Variants in CDC42 observed in about 807,000 individuals in gnomAD.
CDC42 encodes the protein cell division cycle 42, also known as cell division control protein 42 homolog.
Under a neutral mutation model 20.8 loss-of-function variants are expected in CDC42, and 1 was observed. That is an observed-to-expected ratio of 0.05 (90% confidence interval 0.02 to 0.23). CDC42 has a LOEUF of 0.23. CDC42 is among the 10% of genes least tolerant of loss of function. The pLI is 1.00. For synonymous variants in CDC42, 72 were observed against 84.8 expected, an observed-to-expected ratio of 0.85 and a Z score of 0.83; for missense variants, 49 against 227.9, an observed-to-expected ratio of 0.21 and a Z score of 5.05.
rs186706352 is a variant in CDC42, at chr1:22,091,635, G to A, written c.*118G>A. Reference sequence around the variant, plus strand: ...TTTTTGCAATAATGACAAATGCCCTGCACCTACCCACATGCACTCGTGTGA... The same window carrying A: ...TTTTTGCAATAATGACAAATGCCCTACACCTACCCACATGCACTCGTGTGA... On this transcript the variant is annotated 3_prime_UTR_variant, in exon 6 of 6. Coordinates refer to ENST00000656825, the MANE Select transcript of CDC42 (RefSeq NM_001791.4). 4.5e-5 allele frequency: 29 copies of A among 641,270 alleles called. No individual in the cohort carries two copies. In the East Asian group the frequency reaches 8.3e-4, roughly 18 times the overall value. 39.7% of individuals were successfully genotyped at this position (641,270 alleles called of 1,614,324 possible). A position where few individuals can be genotyped will look rare whatever the true frequency, so the allele number is the denominator to read the frequency against.
At chr1:22,069,421 C>T (rs1360086887) in intron 1 of CDC42, among the ~76,000 whole-genome samples, 1 of 151,836 alleles carries the variant, frequency 6.6e-6, no homozygotes, top group Non-Finnish European at 1.5e-5. Flanking sequence ...AGTGATCTGC[C>T]CGCCTCAGCT....
At chr1:22,080,170 G>A (rs1007522869) in intron 2 of CDC42, among the ~76,000 whole-genome samples, 24 of 152,142 alleles carry the variant, frequency 1.6e-4, no homozygotes, top group African/African-American at 5.3e-4. Context: ...CCCAATTTAG[G>A]GATGAGACTT....
At position 22,076,432 on chromosome 1, in the gene CDC42, TACAC is replaced by T. The variant is rs369972777; in HGVS notation, c.-50-1981_-50-1978del. 2.0e-5 allele frequency among the ~76,000 whole-genome samples: 3 copies of T among 149,466 alleles called. No homozygotes were observed. The South Asian group carries it at 6.4e-4, about 32-fold the overall frequency. ...GAGATCACGCCACTGCACTGACACA[TACAC>T]ACACACACACACACAACAAGCAGGG... On this transcript the variant is annotated intron_variant, in intron 1 of 5. Coordinates refer to ENST00000656825, the MANE Select transcript of CDC42 (RefSeq NM_001791.4).
At chr1:22,060,678 T>C (rs1645353208) in intron 1 of CDC42, among the ~76,000 whole-genome samples, 1 of 152,174 alleles carries the variant, frequency 6.6e-6, no homozygotes, top group Non-Finnish European at 1.5e-5. Flanking sequence ...TTATCTCTGG[T>C]TTCAGGGATT....
chr1:22,071,044 TTC>T lies in CDC42; in HGVS notation c.-50-7383_-50-7382del, dbSNP rs1328098587. ...GGAACAAGCATTTCTTTTTTTTTCT[TTC>T]TTTTTTTTTTTTTTTGAGATGGAGT... On this transcript the variant is annotated intron_variant, in intron 1 of 5. Coordinates refer to ENST00000656825, the MANE Select transcript of CDC42 (RefSeq NM_001791.4). Among the ~76,000 whole-genome samples the T allele has an allele frequency of 1.1e-4, 4 of 35,270 alleles. No individual in the cohort carries two copies. In the East Asian group the frequency reaches 3.7e-3, roughly 32 times the overall value. 23.1% of individuals were successfully genotyped at this position (35,270 alleles called of 152,430 possible). A position where few individuals can be genotyped will look rare whatever the true frequency, so the allele number is the denominator to read the frequency against.
Position 22,094,926 on chromosome 1 carries a change from C to T in CDC42, c.*3409C>T, listed in dbSNP as rs1645746288. 6.6e-6 allele frequency among the ~76,000 whole-genome samples: 1 copy of T among 152,066 alleles called. No homozygotes were observed. The highest frequency in any genetic ancestry group is 1.5e-5 in the Non-Finnish European group (1 of 68,012). Reference sequence around the variant, plus strand: ...TTGGACTATTTTCCTTTTCTTCTTCCATTTGTGAGGTAAATTAGTGGTTAT... The same window carrying T: ...TTGGACTATTTTCCTTTTCTTCTTCTATTTGTGAGGTAAATTAGTGGTTAT... On this transcript the variant is annotated 3_prime_UTR_variant, in exon 6 of 6. Transcript: ENST00000656825.
chr1:22,098,974 G>A lies in CDC42; in HGVS notation c.*7457G>A, dbSNP rs1473024987. Among the ~76,000 whole-genome samples, 1 of 152,164 alleles carries A rather than the reference G, an allele frequency of 6.6e-6. No individual in the cohort carries two copies. Among genetic ancestry groups the A allele is most frequent in the Non-Finnish European group, 1.5e-5 (1 of 68,032 alleles). On this transcript the variant is annotated 3_prime_UTR_variant, in exon 6 of 6. Transcript: ENST00000656825. ...GGGTTTTGCCATTTTACCCAGGCTGGTCTCGAACTCCTGAGCTGATCCTCC... is the reference window on the plus strand; with the variant it reads ...GGGTTTTGCCATTTTACCCAGGCTGATCTCGAACTCCTGAGCTGATCCTCC...
Position 22,087,023 on chromosome 1 carries a change from CTG to C in CDC42, c.486+161_486+162del, listed in dbSNP as rs1645667926. ...TTGTATGTTCTTTTGTTAGAGGCCTCTGTGTTTTTTGGAGAATATTATTAGTT... is the reference window on the plus strand; with the variant it reads ...TTGTATGTTCTTTTGTTAGAGGCCTCTGTTTTTTGGAGAATATTATTAGTT... On this transcript the variant is annotated intron_variant, in intron 5 of 5. Coordinates refer to ENST00000656825, the MANE Select transcript of CDC42 (RefSeq NM_001791.4). 3.9e-5 allele frequency among the ~76,000 whole-genome samples: 6 copies of C among 152,230 alleles called. No homozygotes were observed. The South Asian group carries it at 1.2e-3, about 32-fold the overall frequency.
At position 22,076,095 on chromosome 1, in the gene CDC42, A is replaced by T. The variant is rs1645546529; in HGVS notation, c.-50-2334A>T. ...ACGGATATATACTTGTCATTCCACT[A>T]GCACTGATTATATTTGTTTTTATTA... On this transcript the variant is annotated intron_variant, in intron 1 of 5. Transcript: ENST00000656825. Among the ~76,000 whole-genome samples, 5 of 152,110 alleles carry T rather than the reference A, an allele frequency of 3.3e-5. 1 individual carries two copies. In the South Asian group the frequency reaches 1.0e-3, roughly 31 times the overall value.
chr1:22,053,905 C>G (rs1402995037), intron 1 of CDC42, among the ~76,000 whole-genome samples: 2 of 152,196 alleles, frequency 1.3e-5, no homozygotes, highest in Non-Finnish European at 2.9e-5. Flanking sequence ...CCTTGCGTGG[C>G]ATTAACTTTA....
chr1:22,067,466 C>T lies in CDC42; in HGVS notation c.-50-10963C>T, dbSNP rs12143138. ...CTGCAACCTCTACCTCCCAAGCAAG[C>T]GATCCTCCTGAGTAGCTGGGGTTAC... On this transcript the variant is annotated intron_variant, in intron 1 of 5. Coordinates refer to ENST00000656825, the MANE Select transcript of CDC42 (RefSeq NM_001791.4). Among the ~76,000 whole-genome samples, 754 of 152,128 alleles carry T rather than the reference C, an allele frequency of 5.0e-3. 7 individuals carry two copies. Among genetic ancestry groups the T allele is most frequent in the Non-Finnish European group, 8.6e-3 (588 of 67,986 alleles).
rs1645767987 is a variant in CDC42, at chr1:22,097,953, G to A, written c.*6436G>A. On this transcript the variant is annotated 3_prime_UTR_variant, in exon 6 of 6. Coordinates refer to ENST00000656825, the MANE Select transcript of CDC42 (RefSeq NM_001791.4). ...ATGCATCTCTGAAGTAGAAGTGACA[G>A]ATTTTCAAGGCTAAGGTAAGTATAG... Among the ~76,000 whole-genome samples the A allele has an allele frequency of 6.6e-6, 1 of 152,146 alleles. No individual in the cohort carries two copies. Among genetic ancestry groups the A allele is most frequent in the African/African-American group, 2.4e-5 (1 of 41,444 alleles).
chr1:22,074,999 G>T (rs922985498), intron 1 of CDC42, among the ~76,000 whole-genome samples: 1 of 152,184 alleles, frequency 6.6e-6, no homozygotes, highest in South Asian at 2.1e-4. Flanking sequence ...TTGTGTAAGG[G>T]TTAAAGCAGA....
At chr1:22,085,923 G>T (rs1645657139) in intron 3 of CDC42, among the ~76,000 whole-genome samples, 1 of 152,144 alleles carries the variant, frequency 6.6e-6, no homozygotes, top group Admixed American at 6.5e-5. Context: ...TCGGCTCACT[G>T]CAACCTCCGC....
chr1:22,089,903 A>C (rs753750462), intron 5 of CDC42: 1 of 1,604,506 alleles, frequency 6.2e-7, no homozygotes, highest in Non-Finnish European at 8.5e-7. Flanking sequence ...CTAATCCTCT[A>C]ACCTGGCTGC....
intron 1 of CDC42, chr1:22,059,725 G>A (rs1442972069): frequency 5.9e-5 from 9 of 151,982 alleles, no homozygotes; most frequent in South Asian, 2.1e-4. Context: ...TGTATTTTTA[G>A]TAGAGACGGG....
chr1:22,083,769 G>T (rs1232925971), intron 3 of CDC42, among the ~76,000 whole-genome samples: 1 of 152,132 alleles, frequency 6.6e-6, no homozygotes, highest in Non-Finnish European at 1.5e-5. Flanking sequence ...GACCATATAT[G>T]TGAGTGTTTA....
intron 1 of CDC42, among the ~76,000 whole-genome samples, chr1:22,076,344 G>C (rs1275458325): frequency 6.6e-6 from 1 of 152,070 alleles, no homozygotes; most frequent in African/African-American, 2.4e-5. Context: ...TGTAATCCCA[G>C]TTGCTCTGGA....
At position 22,096,382 on chromosome 1, in the gene CDC42, T is replaced by A. The variant is rs901692402; in HGVS notation, c.*4865T>A. Among the ~76,000 whole-genome samples the A allele has an allele frequency of 5.3e-5, 8 of 152,222 alleles. No homozygotes were observed. The highest frequency in any genetic ancestry group is 1.9e-4 in the African/African-American group (8 of 41,464). The stretch of plus-strand genomic sequence containing the variant: ...CCTGACTTCTACTTGGAATTTTCTT[T>A]CCCTTACAGTTTTGATAGCTGCTTT... On this transcript the variant is annotated 3_prime_UTR_variant, in exon 6 of 6. Coordinates refer to ENST00000656825, the MANE Select transcript of CDC42 (RefSeq NM_001791.4).
Sources: allele counts gnomAD v4.1 joint callset (sites outside exome capture counted in the v4.1 genomes callset), GRCh38; gene constraint gnomAD v4.1.1; transcripts MANE v1.5; gene names NCBI Gene and HGNC (gene_info 2026-07-23, HGNC 2026-07-21).